Variants in SLCO3A1 observed in about 807,000 individuals in gnomAD.
The protein encoded by SLCO3A1 is PGE1 transporter.
A neutral mutation model predicts 63.1 loss-of-function variants in SLCO3A1; 27 were observed. The ratio of observed to expected loss-of-function variants is 0.43; its 90% CI spans 0.32 to 0.59. The LOEUF is 0.59. SLCO3A1 is among the 20% of genes least tolerant of loss of function. The pLI, the probability that SLCO3A1 is intolerant of heterozygous loss-of-function variation, is 0.09. For synonymous variants in SLCO3A1, 473 were observed against 409.9 expected, an observed-to-expected ratio of 1.15 and a Z score of -1.86; for missense variants, 773 against 945.8, an observed-to-expected ratio of 0.82 and a Z score of 2.40.
At chr15:91,867,968 C>G (rs1260292594) in intron 1 of SLCO3A1, among the ~76,000 whole-genome samples, 1 of 152,240 alleles carries the variant, frequency 6.6e-6, no homozygotes, top group African/African-American at 2.4e-5. Flanking sequence ...AGCTGGAAAG[C>G]TCTGTGAGCA....
chr15:91,918,948 G>A (rs548032512), intron 2 of SLCO3A1, among the ~76,000 whole-genome samples: 59 of 152,344 alleles, frequency 3.9e-4, no homozygotes, highest in Admixed American at 6.5e-4. Flanking sequence ...CTGGTCATAT[G>A]CCTAAATCGT....
chr15:92,170,763 T>C (rs996332015), downstream of SLCO3A1: 2 of 152,212 alleles, frequency 1.3e-5, no homozygotes, highest in African/African-American at 4.8e-5. Context: ...TAATTAAATG[T>C]TGGAAACCTT....
At chr15:92,077,916 C>T (rs947917381) in intron 2 of SLCO3A1, among the ~76,000 whole-genome samples, 2 of 152,198 alleles carry the variant, frequency 1.3e-5, no homozygotes, top group Admixed American at 6.5e-5. Flanking sequence ...TGGGCTCCTA[C>T]GCAGTTGTGT....
intron 3 of SLCO3A1, among the ~76,000 whole-genome samples, chr15:92,100,507 G>C (rs1181061063): frequency 6.6e-6 from 1 of 152,210 alleles, no homozygotes; most frequent in Non-Finnish European, 1.5e-5. Context: ...GGTGCTTTCA[G>C]TTTTGTTCTG....
exon 11 of SLCO3A1, chr15:92,171,966 C>A (rs1030036894): frequency 6.0e-6 from 5 of 830,054 alleles, no homozygotes; most frequent in Admixed American, 2.1e-5. Flanking sequence ...ACCCGAGGGT[C>A]CCCATGTGGA....
At position 91,950,365 on chromosome 15, in the gene SLCO3A1, G is replaced by A. The variant is rs1392370373; in HGVS notation, c.646+33907G>A. Among the ~76,000 whole-genome samples the A allele has an allele frequency of 5.3e-5, 8 of 152,162 alleles. No homozygotes were observed. Among genetic ancestry groups the A allele is most frequent in the African/African-American group, 1.9e-4 (8 of 41,440 alleles). ...GCACGTGGGACAGGGGCCCTGGCTG[G>A]GCAGGCAGGGGGAGCCCAGCCCTGT... On this transcript the variant is annotated intron_variant, in intron 2 of 9. Coordinates refer to ENST00000318445, the MANE Select transcript of SLCO3A1 (RefSeq NM_013272.4). The surrounding 1 kb of genome is among the most constrained non-coding windows in gnomAD (Gnocchi z 4.4).
At chr15:92,148,375 C>A (rs2048257944) in intron 8 of SLCO3A1, among the ~76,000 whole-genome samples, 1 of 152,204 alleles carries the variant, frequency 6.6e-6, no homozygotes, top group Admixed American at 6.5e-5. Flanking sequence ...CTTTGCCAAC[C>A]ACATTTCCTC....
At chr15:92,082,063 C>G (rs530672404) in intron 2 of SLCO3A1, among the ~76,000 whole-genome samples, 42 of 152,210 alleles carry the variant, frequency 2.8e-4, no homozygotes, top group Non-Finnish European at 4.3e-4. Flanking sequence ...TACACAGTGT[C>G]TAACACCTAA....
chr15:92,046,212 C>T (rs1160321009), intron 2 of SLCO3A1, among the ~76,000 whole-genome samples: 1 of 152,028 alleles, frequency 6.6e-6, no homozygotes, highest in African/African-American at 2.4e-5. Context: ...CACATAAAAA[C>T]ATCTTCAAAA....
chr15:91,900,983 C>T lies in SLCO3A1; in HGVS notation c.181-15010C>T, dbSNP rs1370233677. 1.3e-5 allele frequency among the ~76,000 whole-genome samples: 2 copies of T among 152,112 alleles called. No homozygotes were observed. The highest frequency in any genetic ancestry group is 2.9e-5 in the Non-Finnish European group (2 of 68,012). On this transcript the variant is annotated intron_variant, in intron 1 of 9. Coordinates refer to ENST00000318445, the MANE Select transcript of SLCO3A1 (RefSeq NM_013272.4). This position sits in a 1 kb window ranked among gnomAD's most constrained non-coding sequence, Gnocchi z 4.3. ...CCTTTCATTTTGTCGATTTTTACTT[C>T]ATGTATTATGGGGCTCTATTCTTAG...
chr15:91,995,352 G>T (rs1360938056), intron 2 of SLCO3A1, among the ~76,000 whole-genome samples: 1 of 152,162 alleles, frequency 6.6e-6, no homozygotes, highest in African/African-American at 2.4e-5. Flanking sequence ...TGACCTCATT[G>T]ATTCCTTGTG....
rs1329476012 is a variant in SLCO3A1, at chr15:91,968,929, G to T, written c.646+52471G>T. 2.0e-5 allele frequency among the ~76,000 whole-genome samples: 3 copies of T among 152,274 alleles called. No homozygotes were observed. ...GCAAACTCGTGTTGCTCCATGTAGA[G>T]TCAGCTCAGAGGTCCCTTCCTCTCA... On this transcript the variant is annotated intron_variant, in intron 2 of 9. Transcript: ENST00000318445. The surrounding 1 kb of genome is among the most constrained non-coding windows in gnomAD (Gnocchi z 4.2).
intron 1 of SLCO3A1, among the ~76,000 whole-genome samples, chr15:91,880,158 C>CTATCTATCT (rs1555446402): frequency 8.7e-4 from 114 of 130,762 alleles, no homozygotes; most frequent in African/African-American, 3.4e-3. Flanking sequence ...TCCATCCATC[C>CTATCTATCT]ATCCATCCAT....
chr15:92,115,250 C>G (rs150938265), intron 4 of SLCO3A1, among the ~76,000 whole-genome samples: 61 of 152,240 alleles, frequency 4.0e-4, no homozygotes, highest in Admixed American at 2.2e-3. Context: ...CTGCCTGGCC[C>G]TCTGGAGGTA....
intron 2 of SLCO3A1, among the ~76,000 whole-genome samples, chr15:92,026,776 A>G (rs115923747): frequency 0.03 from 4,536 of 152,256 alleles, 219 homozygotes; most frequent in African/African-American, 0.1. Context: ...GAGTGTAACA[A>G]CATTCCCACC....
intron 2 of SLCO3A1, among the ~76,000 whole-genome samples, chr15:91,962,394 A>G (rs916305363): frequency 1.4e-5 from 2 of 147,220 alleles, no homozygotes; most frequent in Non-Finnish European, 3.0e-5. Flanking sequence ...CAGGAAAATC[A>G]CTTGAACCCA....
In SLCO3A1 at chr15:92,086,978, G is replaced by A. The variant is rs375493307; in HGVS notation, c.647-7903G>A. ...AACCGGGGTGAAAAAGCAAAACTCC[G>A]TCTCAAAAAAAAAAAAAAAGGAATA... On this transcript the variant is annotated intron_variant, in intron 2 of 9. Transcript: ENST00000318445. Among the ~76,000 whole-genome samples, 242 of 101,300 alleles carry A rather than the reference G, an allele frequency of 2.4e-3. 1 individual carries two copies. The highest frequency in any genetic ancestry group is 6.6e-3 in the African/African-American group (223 of 33,588). 66.5% of individuals were successfully genotyped at this position (101,300 alleles called of 152,430 possible).
intron 7 of SLCO3A1, among the ~76,000 whole-genome samples, chr15:92,143,383 A>T (rs1463471210): frequency 0.011 from 12 of 1,050 alleles, 1 homozygote; most frequent in Non-Finnish European, 0.014. Flanking sequence ...TAATATATAT[A>T]ATATATATAT....
At chr15:92,007,636 C>G (rs80351764) in intron 2 of SLCO3A1, among the ~76,000 whole-genome samples, 3,583 of 152,228 alleles carry the variant, frequency 0.024, 132 homozygotes, top group African/African-American at 0.081. Context: ...CTAAGAACCT[C>G]TCGCAGATTT....
Sources: allele counts gnomAD v4.1 joint callset (sites outside exome capture counted in the v4.1 genomes callset), GRCh38; gene constraint gnomAD v4.1.1; non-coding constraint Gnocchi (gnomAD v3.1); transcripts MANE v1.5; gene names NCBI Gene and HGNC (gene_info 2026-07-23, HGNC 2026-07-21).